ZNF433: variants seen among roughly 807,000 people sequenced by gnomAD.
The protein encoded by ZNF433 is zinc finger protein 433.
Under a neutral mutation model 10.6 loss-of-function variants are expected in ZNF433, and 12 were observed. That is an observed-to-expected ratio of 1.13 (90% CI 0.72 to 1.83). ZNF433 has a LOEUF of 1.83. Among genes scored for constraint, ZNF433 ranks in the 40% most tolerant of loss-of-function variants. ZNF433 has a pLI of 0.00. For missense variants in ZNF433, 737 were observed against 798.0 expected (o/e 0.92, Z 0.92); for synonymous variants, 272 against 271.3 (o/e 1.00, Z -0.02).
In ZNF433 at chr19:12,015,507, C is replaced by G; in HGVS notation, c.1351G>C (p.Glu451Gln). The change falls in exon 4 of 4, where the codon GAA becomes CAA. Residue 451 changes from glutamate (E) to glutamine (Q), a missense_variant. Transcript: ENST00000550507. ...HTGEKPYACK[E>Q]CGKPFSNFSF... The stretch of plus-strand genomic sequence containing the variant: ...AAATTACTAAATGGTTTTCCACATT[C>G]CTTACATGCATAGGGTTTCTCTCCC... The G allele has an allele frequency of 6.2e-7, 1 of 1,610,608 alleles. No homozygotes were observed. Among genetic ancestry groups the G allele is most frequent in the Non-Finnish European group, 8.5e-7 (1 of 1,179,068 alleles).
intron 1 of ZNF433, chr19:12,034,866 C>T (rs1975204789): frequency 2.2e-6 from 1 of 454,198 alleles, no homozygotes; most frequent in South Asian, 1.6e-5. Context: ...CCCTGCAATT[C>T]CTGTCTCCCT....
Position 12,017,871 on chromosome 19 carries a change from G to A in ZNF433, c.191+5C>T, listed in dbSNP as rs377680569. On this transcript the variant is annotated splice_donor_5th_base_variant and intron_variant, in intron 3 of 3. Transcript: ENST00000550507. ...ACACGTCTTTGTCATGTGAGTGCAA[G>A]TTACCTTAGGTTTCTCCTTAGATTT... 1.9e-5 allele frequency: 30 copies of A among 1,568,806 alleles called. No individual in the cohort carries two copies. In the African/African-American group the frequency reaches 3.9e-4, roughly 20 times the overall value.
chr19:12,030,844 G>A (rs568231555), intron 1 of ZNF433, among the ~76,000 whole-genome samples: 1 of 152,240 alleles, frequency 6.6e-6, no homozygotes, highest in African/African-American at 2.4e-5. Context: ...TTTTGGAGGT[G>A]GAGGCAGGAT....
chr19:12,035,227 C>T (rs916495615), intron 1 of ZNF433, among the ~76,000 whole-genome samples: 2 of 152,212 alleles, frequency 1.3e-5, no homozygotes, highest in Admixed American at 6.5e-5. Context: ...GAGGCGGGAT[C>T]CCCCCATGAC....
intron 1 of ZNF433, among the ~76,000 whole-genome samples, chr19:12,030,762 A>C (rs1974978625): frequency 6.6e-6 from 1 of 152,242 alleles, no homozygotes. Flanking sequence ...CTATAGTAAA[A>C]AATAATATAT....
intron 1 of ZNF433, among the ~76,000 whole-genome samples, chr19:12,035,119 CTA>C (rs1975220839): frequency 6.6e-6 from 1 of 152,174 alleles, no homozygotes; most frequent in South Asian, 2.1e-4. Flanking sequence ...AGAAGCAAAA[CTA>C]TAATTGTTAA....
At chr19:12,020,785 T>G (rs1288236044) in intron 1 of ZNF433, among the ~76,000 whole-genome samples, 1 of 151,634 alleles carries the variant, frequency 6.6e-6, no homozygotes, top group African/African-American at 2.4e-5. Flanking sequence ...AGTGTAGTGA[T>G]GCGCGCTACT....
chr19:12,020,928 A>C (rs1974461138), intron 1 of ZNF433, among the ~76,000 whole-genome samples: 1 of 151,324 alleles, frequency 6.6e-6, no homozygotes, highest in African/African-American at 2.4e-5. Context: ...AAAAAAAAAA[A>C]AACAGCACTA....
chr19:12,018,180 T>G lies in ZNF433; in HGVS notation c.116A>C (p.Asn39Thr). 1 of 1,601,850 alleles carries G rather than the reference T, an allele frequency of 6.2e-7. No homozygotes were observed. Among genetic ancestry groups the G allele is most frequent in the Non-Finnish European group, 8.5e-7 (1 of 1,176,202 alleles). Residue 39 changes from asparagine to threonine, a missense_variant, in exon 2 of 4, where the codon AAC becomes ACC. Physicochemically the swap from Asn to Thr is moderately conservative, Grantham distance 65. Transcript: ENST00000550507. ...CRDVMQETFR[N>T]LASIGKKWKP... is the part of the protein sequence containing the mutation. ...GTCACCCTTACCTATAGAGGCCAGG[T>G]TCCTGAAGGTTTCTTGCATCACATC...
chr19:12,035,236 AC>A (rs1050367997), intron 1 of ZNF433, among the ~76,000 whole-genome samples: 17 of 152,004 alleles, frequency 1.1e-4, no homozygotes, highest in Non-Finnish European at 2.1e-4. Flanking sequence ...TCCCCCCATG[AC>A]CCTCGCGTAG....
chr19:12,027,355 G>A (rs569891110), intron 1 of ZNF433, among the ~76,000 whole-genome samples: 4 of 152,316 alleles, frequency 2.6e-5, no homozygotes, highest in South Asian at 2.1e-4. Flanking sequence ...AACATGTTGG[G>A]GACAGGCTCC....
intron 1 of ZNF433, among the ~76,000 whole-genome samples, chr19:12,019,195 T>G (rs917556762): frequency 1.3e-5 from 2 of 151,002 alleles, no homozygotes; most frequent in Non-Finnish European, 2.9e-5. Context: ...CTGAGGCAGG[T>G]GGATCACCTG....
Position 12,015,231 on chromosome 19 carries a change from C to T in ZNF433, c.1627G>A (p.Ala543Thr), listed in dbSNP as rs968970722. The T allele has an allele frequency of 1.9e-6, 3 of 1,612,420 alleles. No individual in the cohort carries two copies. In the African/African-American group the frequency reaches 4.0e-5, roughly 22 times the overall value. ...CTTCCATGAATTTGAAGCTGTGAGG[C>T]AGATCTGAAGGCTTTTCCACATTGC... The part of the protein sequence containing the change: ...CKQCGKAFRS[A>T]SQLQIHGRTH... The change falls in exon 4 of 4, where the codon GCC (alanine) becomes ACC (threonine). Residue 543 changes from alanine (A) to threonine (T), a missense_variant. Physicochemically the swap from Ala to Thr is moderately conservative, Grantham distance 58 (BLOSUM62 0). Transcript: ENST00000550507.
Position 12,018,271 on chromosome 19 carries a change from C to T in ZNF433, c.25G>A (p.Val9Met), listed in dbSNP as rs1166331493. Residue 9 changes from valine (V) to methionine (M), a missense_variant, in exon 2 of 4, where the codon GTG becomes ATG. Physicochemically the swap from Val to Met is conservative, Grantham distance 21 (BLOSUM62 1). Coordinates refer to ENST00000550507, the MANE Select transcript of ZNF433 (RefSeq NM_001308348.2). MDSVAFED[V>M]AVTFTQEEWA... ...TCCTCTTGGGTGAAGGTCACAGCCACATCCTCAAAGGCCACTGAATCCTGA... is the reference window on the plus strand; with the variant it reads ...TCCTCTTGGGTGAAGGTCACAGCCATATCCTCAAAGGCCACTGAATCCTGA... 1.2e-6 allele frequency: 2 copies of T among 1,613,616 alleles called. No individual in the cohort carries two copies. The highest frequency in any genetic ancestry group is 3.3e-5 in the Admixed American group (2 of 59,846).
rs767916694 is a variant in ZNF433 at position 12,035,548 on chromosome 19, T to C, written c.-9A>G. 43 of 1,572,192 alleles carry C rather than the reference T, an allele frequency of 2.7e-5. No homozygotes were observed. The South Asian group carries it at 3.4e-4, about 12-fold the overall frequency. Reference sequence around the variant, plus strand: ...GCCCGCACGCTCACCATTTCTTGCCTTTCAGGTGACTCCCACGACCAGTGC... The same window carrying C: ...GCCCGCACGCTCACCATTTCTTGCCCTTCAGGTGACTCCCACGACCAGTGC... On this transcript the variant is annotated 5_prime_UTR_variant, in exon 1 of 4. Coordinates refer to ENST00000550507, the MANE Select transcript of ZNF433 (RefSeq NM_001308348.2).
intron 1 of ZNF433, among the ~76,000 whole-genome samples, chr19:12,033,540 G>A (rs1320172651): frequency 6.9e-6 from 1 of 145,332 alleles, no homozygotes; most frequent in Non-Finnish European, 1.5e-5. Context: ...AACAAAAAAC[G>A]GGCCAGGCGC....
Position 12,016,323 on chromosome 19 carries a change from G to T in ZNF433, c.535C>A (p.His179Asn). ...ATCCTGTGTCTTTGAAGGTTTGAATGGGAAATAAATGTTTTTCCGCATTCC... is the reference window on the plus strand; with the variant it reads ...ATCCTGTGTCTTTGAAGGTTTGAATTGGAAATAAATGTTTTTCCGCATTCC... ...CEECGKTFISHSNLQRHRIMH... is the reference protein window; with the variant it reads ...CEECGKTFISNSNLQRHRIMH... The change falls in exon 4 of 4, where the codon CAT becomes AAT. Residue 179 changes from histidine (H) to asparagine (N), a missense_variant. Transcript: ENST00000550507. The T allele has an allele frequency of 6.2e-7, 1 of 1,614,148 alleles. No individual in the cohort carries two copies.
At chr19:12,031,971 C>G (rs1403855370) in intron 1 of ZNF433, among the ~76,000 whole-genome samples, 2 of 116,446 alleles carry the variant, frequency 1.7e-5, no homozygotes, top group East Asian at 5.2e-4. Context: ...GATGGAGTTT[C>G]ACCGTTGCCC....
chr19:12,016,634 T>C lies in ZNF433; in HGVS notation c.224A>G (p.Glu75Gly), dbSNP rs754816088. 1 of 1,614,030 alleles carries C rather than the reference T, an allele frequency of 6.2e-7. No homozygotes were observed. The highest frequency in any genetic ancestry group is 1.3e-5 in the African/African-American group (1 of 74,954). The part of the protein sequence containing the change: ...IVGERLFESK[E>G]GHQHGEILTQ... ...CAAAATTTCTCCATGCTGATGACCT[T>C]CTTTACTTTCAAAGAGTCTCTCTCC... Residue 75 changes from glutamate (E) to glycine (G), a missense_variant, in exon 4 of 4, where the codon GAA (glutamate) becomes GGA (glycine). Glu to Gly is a moderately conservative substitution (Grantham distance 98). Transcript: ENST00000550507.
Sources: allele counts gnomAD v4.1 joint callset (sites outside exome capture counted in the v4.1 genomes callset), GRCh38; gene constraint gnomAD v4.1.1; transcripts MANE v1.5; gene names NCBI Gene and HGNC (gene_info 2026-07-23, HGNC 2026-07-21).